The following TRERF1 variants were observed in gnomAD, a reference collection of about 807,000 sequenced individuals.
TRERF1 encodes transcriptional regulating factor 1, also known as transcriptional-regulating factor 1.
TRERF1 carries 27 observed loss-of-function variants against 122.9 expected under a neutral mutation model. The observed-to-expected ratio is 0.22, with a 90% CI of 0.16 to 0.30. TRERF1 has a LOEUF of 0.30. Among genes scored for constraint, TRERF1 ranks in the 10% least tolerant of loss-of-function variants. The pLI is 1.00. For missense variants in TRERF1, 1,248 were observed against 1,560.3 expected, an observed-to-expected ratio of 0.80 and a Z score of 3.37; for synonymous variants, 636 against 641.7, an observed-to-expected ratio of 0.99 and a Z score of 0.13.
At chr6:42,451,761 C>G (rs1240312765) in intron 1 of TRERF1, among the ~76,000 whole-genome samples, 1 of 152,192 alleles carries the variant, frequency 6.6e-6, no homozygotes, top group Middle Eastern at 3.4e-3. Flanking sequence ...CCCTGCTCCC[C>G]TTCCTGCCCT....
chr6:42,435,448 G>A (rs1033876201), intron 2 of TRERF1, among the ~76,000 whole-genome samples: 2 of 152,220 alleles, frequency 1.3e-5, no homozygotes, highest in East Asian at 3.9e-4. Context: ...CTACTCAGGA[G>A]GCTGAGGCAG....
intron 8 of TRERF1, among the ~76,000 whole-genome samples, chr6:42,262,612 AAACCCTTCC>A (rs1778407567): frequency 6.0e-5 from 7 of 116,218 alleles, no homozygotes; most frequent in South Asian, 2.8e-4. Flanking sequence ...AGACAGACGG[AAACCCTTCC>A]CAGAGGCAAA....
intron 8 of TRERF1, among the ~76,000 whole-genome samples, chr6:42,261,409 A>T (rs1777845069): frequency 6.6e-6 from 1 of 152,214 alleles, no homozygotes; most frequent in Non-Finnish European, 1.5e-5. Context: ...ACTGGGCAAG[A>T]GAAGCCACCC....
chr6:42,258,361 TG>T (rs1005320212), intron 9 of TRERF1, among the ~76,000 whole-genome samples, 160 bp from the exon 10 acceptor site: 1 of 152,234 alleles, frequency 6.6e-6, no homozygotes, highest in African/African-American at 2.4e-5. Context: ...GGGTGGAGTA[TG>T]GTGCAAAATA....
chr6:42,265,432 G>A (rs1159279611), intron 6 of TRERF1, among the ~76,000 whole-genome samples: 1 of 152,184 alleles, frequency 6.6e-6, no homozygotes, highest in Non-Finnish European at 1.5e-5. Flanking sequence ...GTCAATCCCA[G>A]CATTGTTACT....
At chr6:42,436,386 T>C (rs1785373846) in intron 2 of TRERF1, among the ~76,000 whole-genome samples, 1 of 151,898 alleles carries the variant, frequency 6.6e-6, no homozygotes, top group Non-Finnish European at 1.5e-5. Context: ...AAAAGGATAA[T>C]AAGCAACTAT....
chr6:42,397,127 T>TTACAAATTACACACA (rs1433729224), intron 2 of TRERF1, among the ~76,000 whole-genome samples: 3 of 152,084 alleles, frequency 2.0e-5, no homozygotes, highest in Admixed American at 1.3e-4. Context: ...TGGAAGAAAC[T>TTACAAATTACACACA]TACAAACTAA....
intron 2 of TRERF1, among the ~76,000 whole-genome samples, chr6:42,412,921 T>C (rs982181085): frequency 8.5e-5 from 13 of 152,212 alleles, no homozygotes; most frequent in Middle Eastern, 3.4e-3. Context: ...GGCTGTGCCA[T>C]TGTACTCCAA....
At chr6:42,444,097 C>T (rs1279386153) in intron 2 of TRERF1, among the ~76,000 whole-genome samples, 2 of 151,656 alleles carry the variant, frequency 1.3e-5, no homozygotes, top group Non-Finnish European at 2.9e-5. Context: ...CCCATGCAGA[C>T]CCCATGGCTG....
At chr6:42,233,406 C>T (rs1018790158) in intron 16 of TRERF1, among the ~76,000 whole-genome samples, 1 of 151,888 alleles carries the variant, frequency 6.6e-6, no homozygotes, top group African/African-American at 2.4e-5. Context: ...CTGCCTCAGC[C>T]TCCCGAGTAG....
In TRERF1 at chr6:42,392,931, T is replaced by TACACACACACACACACACAC. The variant is rs58784390; in HGVS notation, c.-453-29872_-453-29853dup. Among the ~76,000 whole-genome samples the TACACACACACACACACACAC allele has an allele frequency of 2.3e-3, 338 of 148,090 alleles. 1 individual carries two copies. Among genetic ancestry groups the TACACACACACACACACACAC allele is most frequent in the African/African-American group, 8.1e-3 (322 of 39,794 alleles). On this transcript the variant is annotated intron_variant, in intron 2 of 17. Transcript: ENST00000372922. The stretch of plus-strand genomic sequence containing the variant: ...CAGCACACACACACATACACACACA[T>TACACACACACACACACACAC]ACACACACACACACACACACACACA...
intron 3 of TRERF1, among the ~76,000 whole-genome samples, chr6:42,338,497 C>T (rs1159403783): frequency 6.6e-6 from 1 of 152,208 alleles, no homozygotes; most frequent in Non-Finnish European, 1.5e-5. Context: ...AAATTAAATG[C>T]ATATGCTCAT....
At chr6:42,389,749 C>T (rs1777400922) in intron 2 of TRERF1, among the ~76,000 whole-genome samples, 1 of 152,196 alleles carries the variant, frequency 6.6e-6, no homozygotes, top group Non-Finnish European at 1.5e-5. Flanking sequence ...ATTAGCACAG[C>T]TATTATTGTG....
intron 3 of TRERF1, among the ~76,000 whole-genome samples, chr6:42,302,663 C>G (rs992441299): frequency 6.6e-6 from 1 of 152,194 alleles, no homozygotes; most frequent in African/African-American, 2.4e-5. Context: ...ATCATTATCT[C>G]TGAATGTTGG....
At chr6:42,291,770 C>G (rs1784361260) in intron 4 of TRERF1, among the ~76,000 whole-genome samples, 1 of 151,792 alleles carries the variant, frequency 6.6e-6, no homozygotes, top group Non-Finnish European at 1.5e-5. Flanking sequence ...TGGTCTCGAT[C>G]TCCTGACCTC....
intron 15 of TRERF1, among the ~76,000 whole-genome samples, chr6:42,238,692 G>A (rs1772842004): frequency 6.6e-6 from 1 of 152,020 alleles, no homozygotes; most frequent in South Asian, 2.1e-4. Context: ...GCATGCAAAT[G>A]GAATTCATAT....
intron 2 of TRERF1, among the ~76,000 whole-genome samples, chr6:42,406,136 G>A (rs1780148091): frequency 6.6e-6 from 1 of 152,240 alleles, no homozygotes; most frequent in African/African-American, 2.4e-5. Context: ...GAGAAACTGA[G>A]GCTCAGAAAA....
At chr6:42,283,709 C>T (rs551152715) in intron 4 of TRERF1, among the ~76,000 whole-genome samples, 10 of 151,260 alleles carry the variant, frequency 6.6e-5, no homozygotes, top group South Asian at 2.1e-4. Flanking sequence ...CTCCACCTCC[C>T]GGGTTCAAGT....
At position 42,259,698 on chromosome 6, in the gene TRERF1, C is replaced by G; in HGVS notation, c.1910G>C (p.Ser637Thr). ...GAGGGGCTCCTCGGCTTTGGGCACA[C>G]TCGGCTGATGCTTCCTGGGGATTTC... is the stretch of plus-strand genomic sequence containing the variant. The change falls in exon 9 of 18, where the codon AGT (serine) becomes ACT (threonine). Residue 637 changes from serine (S) to threonine (T), a missense_variant. By Grantham distance (58) the Ser-to-Thr change is moderately conservative (BLOSUM62 1). Transcript: ENST00000372922. The surrounding 1 kb of genome is among the most constrained non-coding windows in gnomAD (Gnocchi z 4.9). 1 of 1,604,564 alleles carries G rather than the reference C, an allele frequency of 6.2e-7. No individual in the cohort carries two copies. The highest frequency in any genetic ancestry group is 1.7e-5 in the Admixed American group (1 of 60,022).
Sources: allele counts gnomAD v4.1 joint callset (sites outside exome capture counted in the v4.1 genomes callset), GRCh38; gene constraint gnomAD v4.1.1; non-coding constraint Gnocchi (gnomAD v3.1); transcripts MANE v1.5; gene names NCBI Gene and HGNC (gene_info 2026-07-23, HGNC 2026-07-21).